The following ASXL1 variants were observed in gnomAD, a reference collection of about 807,000 sequenced individuals.
The protein encoded by ASXL1 is ASXL transcriptional regulator 1, also known as polycomb group protein ASXL1.
A neutral mutation model predicts 89.1 loss-of-function variants in ASXL1; 65 were observed. The observed-to-expected ratio is 0.73, with a 90% CI of 0.60 to 0.90. The LOEUF (loss-of-function observed/expected upper bound fraction) is 0.90, where lower values mean the gene tolerates loss of function less well. Ranked by LOEUF, ASXL1 falls within the 40% of genes least tolerant of loss-of-function variation. ASXL1 has a pLI of 0.00. For missense variants in ASXL1, 1,786 were observed against 1,942.9 expected (o/e 0.92, Z 1.52); for synonymous variants, 739 against 746.9 (o/e 0.99, Z 0.17).
intron 4 of ASXL1, among the ~76,000 whole-genome samples, chr20:32,407,415 G>A (rs1003309745): frequency 3.9e-5 from 6 of 152,104 alleles, no homozygotes; most frequent in African/African-American, 7.2e-5. Context: ...ACTGTATCCC[G>A]AGTATGTGTT....
In ASXL1 at chr20:32,436,425, T is replaced by G. The variant is rs769054940; in HGVS notation, c.3713T>G (p.Phe1238Cys). 1.9e-6 allele frequency: 3 copies of G among 1,614,018 alleles called. No individual in the cohort carries two copies. In the South Asian group the frequency reaches 3.3e-5, roughly 18 times the overall value. The change falls in exon 13 of 13, where the codon TTT (phenylalanine) becomes TGT (cysteine). Residue 1238 changes from phenylalanine (F) to cysteine (C), a missense_variant. This residue lies in a region of ASXL1 where 1,418 missense variants were observed against 1,427.8 expected (regional missense o/e 0.99). Transcript: ENST00000375687. Reference protein sequence around the residue: ...EMDSKEQFSSFSCEDQKEVRA... With the variant: ...EMDSKEQFSSCSCEDQKEVRA... ...GATTCCAAAGAGCAGTTCTCTTCCT[T>G]TAGTTGTGAAGATCAGAAGGAAGTC... is the stretch of plus-strand genomic sequence containing the variant.
chr20:32,396,920 TAGA>T (rs1368876995), intron 4 of ASXL1, among the ~76,000 whole-genome samples: 13 of 151,506 alleles, frequency 8.6e-5, no homozygotes, highest in Admixed American at 4.6e-4. Context: ...TGGGCCACAT[TAGA>T]AGAAGAATTG....
At chr20:32,412,254 A>G (rs183874497) in intron 4 of ASXL1, among the ~76,000 whole-genome samples, 25 of 152,288 alleles carry the variant, frequency 1.6e-4, no homozygotes, top group Middle Eastern at 6.8e-3. Flanking sequence ...ACATTGAACA[A>G]CCTGGCTTCT....
intron 4 of ASXL1, among the ~76,000 whole-genome samples, chr20:32,401,440 T>G (rs1569285080): frequency 6.6e-6 from 1 of 152,122 alleles, no homozygotes; most frequent in African/African-American, 2.4e-5. Flanking sequence ...AATGTCATAA[T>G]ACAGTAGTCC....
At chr20:32,379,159 G>GTTT (rs2048440217) in intron 4 of ASXL1, among the ~76,000 whole-genome samples, 1 of 94,460 alleles carries the variant, frequency 1.1e-5, no homozygotes, top group African/African-American at 4.1e-5. Context: ...TATAACTTCA[G>GTTT]TCTTTTTTTT....
chr20:32,429,324 C>T lies in ASXL1; in HGVS notation c.472-14C>T, dbSNP rs377291660. On this transcript the variant is annotated splice_polypyrimidine_tract_variant and intron_variant, in intron 6 of 12. Coordinates refer to ENST00000375687, the MANE Select transcript of ASXL1 (RefSeq NM_015338.6). The surrounding 1 kb of genome is among the most constrained non-coding windows in gnomAD (Gnocchi z 4.9). ...GTTGACTTGGGCTCTCTTTTGTTCT[C>T]TCTTGGAACGCAGGCGAACAAACAA... 16 of 1,613,472 alleles carry T rather than the reference C, an allele frequency of 9.9e-6. No individual in the cohort carries two copies. The African/African-American group carries it at 1.5e-4, about 15-fold the overall frequency.
chr20:32,358,702 A>T lies in ASXL1; in HGVS notation c.-74A>T. On this transcript the variant is annotated 5_prime_UTR_variant, in exon 1 of 13. Coordinates refer to ENST00000375687, the MANE Select transcript of ASXL1 (RefSeq NM_015338.6). The stretch of plus-strand genomic sequence containing the variant: ...CCCCCCCCACCGCCGCCGCCGCCCC[A>T]GCCCCGCGCCACCGCCCCAGCCCGC... 1.2e-6 allele frequency: 1 copy of T among 855,976 alleles called. No homozygotes were observed. The highest frequency in any genetic ancestry group is 1.6e-6 in the Non-Finnish European group (1 of 634,872). The allele number at this position is 855,976 out of a possible 1,614,324, so 53.0% of individuals were successfully genotyped here. A position where few individuals can be genotyped will look rare whatever the true frequency, so the allele number is the denominator to read the frequency against.
chr20:32,364,394 T>C (rs2048172486), intron 1 of ASXL1, among the ~76,000 whole-genome samples: 2 of 149,216 alleles, frequency 1.3e-5, no homozygotes, highest in African/African-American at 5.1e-5. Flanking sequence ...TTTTTGTATT[T>C]TTTTGTAGAG....
chr20:32,384,206 T>C (rs1258190002), intron 4 of ASXL1, among the ~76,000 whole-genome samples: 1 of 137,986 alleles, frequency 7.2e-6, no homozygotes, highest in African/African-American at 2.9e-5. Context: ...CTGTTTTTTT[T>C]TTTTTTTTTT....
rs752930699 is a variant in ASXL1 at position 32,429,362 on chromosome 20, G to A, written c.496G>A (p.Gly166Arg). 18 of 1,614,046 alleles carry A rather than the reference G, an allele frequency of 1.1e-5. No homozygotes were observed. Among genetic ancestry groups the A allele is most frequent in the Middle Eastern group, 3.3e-4 (2 of 6,082 alleles). The change falls in exon 7 of 13, where the codon GGG becomes AGG. Residue 166 changes from glycine (G) to arginine (R), a missense_variant. By Grantham distance (125) the Gly-to-Arg change is moderately radical. This residue lies in a region of ASXL1 where 332 missense variants were observed against 449.7 expected (regional missense o/e 0.74). Coordinates refer to ENST00000375687, the MANE Select transcript of ASXL1 (RefSeq NM_015338.6). The surrounding 1 kb of genome is among the most constrained non-coding windows in gnomAD (Gnocchi z 4.9). ...SQANKQKKKT[G>R]VMLPRVVLTP... Reference sequence around the variant, plus strand: ...GGCGAACAAACAAAAGAAAAAGACTGGGGTGATGCTGCCTCGAGTTGTCCT... The same window carrying A: ...GGCGAACAAACAAAAGAAAAAGACTAGGGTGATGCTGCCTCGAGTTGTCCT...
At chr20:32,425,931 CT>C (rs2011267483) in intron 4 of ASXL1, among the ~76,000 whole-genome samples, 1 of 152,226 alleles carries the variant, frequency 6.6e-6, no homozygotes. Context: ...TCTTGAACCC[CT>C]GACCTCAAGT....
intron 11 of ASXL1, 94 bp downstream of exon 11, chr20:32,433,079 A>G (rs767724958): frequency 1.3e-5 from 21 of 1,569,138 alleles, no homozygotes; most frequent in Non-Finnish European, 1.8e-5. Context: ...GTTGGACAAG[A>G]ATGTGGAGAT....
rs1391509730 is a variant in ASXL1, at chr20:32,433,797, A to G, written c.1599A>G (p.Ala533=). 2 of 1,614,090 alleles carry G rather than the reference A, an allele frequency of 1.2e-6. No homozygotes were observed. The highest frequency in any genetic ancestry group is 2.2e-5 in the East Asian group (1 of 44,900). The change falls in exon 12 of 13, where the codon GCA becomes GCG. Residue 533 remains alanine, a synonymous_variant. Coordinates refer to ENST00000375687, the MANE Select transcript of ASXL1 (RefSeq NM_015338.6). ...KRKSFEQAAS[A]SFPEKKPRLE... ...AATCCTTTGAGCAGGCGGCCTCTGC[A>G]TCCTTTCCCGAAAAGAAGCCCCGGC...
intron 1 of ASXL1, chr20:32,360,249 A>G (rs371508187): frequency 6.4e-6 from 1 of 156,324 alleles, no homozygotes; most frequent in African/African-American, 2.4e-5. Flanking sequence ...CAAAAATAGC[A>G]ATTGTTTGTA....
At chr20:32,416,669 T>C (rs1040239506) in intron 4 of ASXL1, among the ~76,000 whole-genome samples, 10 of 152,344 alleles carry the variant, frequency 6.6e-5, no homozygotes, top group South Asian at 4.1e-4. Flanking sequence ...TTAATCTCCA[T>C]GTACAAACGT....
chr20:32,371,288 ATAT>A (rs1377113543), intron 4 of ASXL1, among the ~76,000 whole-genome samples: 2 of 151,910 alleles, frequency 1.3e-5, no homozygotes, highest in African/African-American at 4.8e-5. Context: ...TTTTCTATTA[ATAT>A]TATCTATTTT....
chr20:32,399,745 C>CTATTTTTTTTTTTTTTTT (rs1600525633), intron 4 of ASXL1, among the ~76,000 whole-genome samples: 5 of 66,614 alleles, frequency 7.5e-5, no homozygotes, highest in Admixed American at 1.4e-4. Context: ...ACATATTTTA[C>CTATTTTTTTTTTTTTTTT]TCTTTTTTTT....
intron 4 of ASXL1, among the ~76,000 whole-genome samples, chr20:32,426,632 T>C (rs1445398909): frequency 7.1e-6 from 1 of 140,738 alleles, no homozygotes; most frequent in Non-Finnish European, 1.5e-5. Flanking sequence ...TAATCTCAGC[T>C]CACTGCATCC....
intron 4 of ASXL1, among the ~76,000 whole-genome samples, chr20:32,423,271 C>A (rs957463621): frequency 6.6e-6 from 1 of 151,794 alleles, no homozygotes; most frequent in Non-Finnish European, 1.5e-5. Context: ...ACTCTGTCGC[C>A]CTGGCTGAAG....
Sources: allele counts gnomAD v4.1 joint callset (sites outside exome capture counted in the v4.1 genomes callset), GRCh38; gene constraint gnomAD v4.1.1; regional missense constraint gnomAD v4.1.1; non-coding constraint Gnocchi (gnomAD v3.1); transcripts MANE v1.5; gene names NCBI Gene and HGNC (gene_info 2026-07-23, HGNC 2026-07-21).